IL16: variants seen among roughly 807,000 people sequenced by gnomAD.
The protein encoded by IL16 is pro-interleukin-16.
Under a neutral mutation model 110.1 loss-of-function variants are expected in IL16, and 67 were observed. The observed-to-expected ratio is 0.61, with a 90% CI of 0.50 to 0.75. IL16 has a LOEUF of 0.75. IL16 is among the 30% of genes least tolerant of loss of function. The pLI, the probability that IL16 is intolerant of heterozygous loss-of-function variation, is 0.00. For synonymous variants in IL16, 689 were observed against 662.9 expected (o/e 1.04, Z -0.61); for missense variants, 1,545 against 1,655.0 (o/e 0.93, Z 1.15).
In IL16 at chr15:81,296,972, A is replaced by G. The variant is rs2141596259; in HGVS notation, c.1947A>G (p.Thr649=). ...LLPLLLPQED[T]AGRSPSASAG... ...CACTGCTGCTACCACAGGAAGACAC[A>G]GCAGGGAGAAGCCCTAGTGCCTCTG... The change falls in exon 13 of 19, where the codon ACA becomes ACG. Residue 649 remains threonine, a synonymous_variant. Transcript: ENST00000683961. 6.2e-7 allele frequency: 1 copy of G among 1,613,794 alleles called. No homozygotes were observed.
chr15:81,185,159 A>G (rs1445046350), intron 1 of IL16, among the ~76,000 whole-genome samples: 3 of 152,064 alleles, frequency 2.0e-5, no homozygotes, highest in East Asian at 1.9e-4. Flanking sequence ...CGTCTCTCCA[A>G]TAAAAAAAGT....
intron 6 of IL16, among the ~76,000 whole-genome samples, chr15:81,273,771 C>T (rs1488425627): frequency 6.6e-6 from 1 of 152,046 alleles, no homozygotes; most frequent in Non-Finnish European, 1.5e-5. Flanking sequence ...GCCACAGGGA[C>T]CCTCTCTTCC....
chr15:81,202,257 A>G (rs1895844560), intron 1 of IL16, among the ~76,000 whole-genome samples: 1 of 152,230 alleles, frequency 6.6e-6, no homozygotes, highest in Non-Finnish European at 1.5e-5. Context: ...AGACATGACC[A>G]GTGGTGACAC....
chr15:81,290,675 G>C (rs941180956), intron 11 of IL16, 135 bp downstream of exon 11: 8 of 512,326 alleles, frequency 1.6e-5, no homozygotes, highest in African/African-American at 1.0e-4. Context: ...GTAGACAAAG[G>C]CTGAAAACTA....
At chr15:81,270,457 C>T (rs529222208) in intron 5 of IL16, among the ~76,000 whole-genome samples, 1 of 151,872 alleles carries the variant, frequency 6.6e-6, no homozygotes, top group South Asian at 2.1e-4. Flanking sequence ...CACCATACAC[C>T]TCAAGTCCTC....
chr15:81,227,417 A>C (rs1896825010), intron 2 of IL16, among the ~76,000 whole-genome samples: 1 of 152,158 alleles, frequency 6.6e-6, no homozygotes, highest in Admixed American at 6.5e-5. Context: ...GACCTGAATG[A>C]AGTGGAGGGG....
At position 81,285,732 on chromosome 15, in the gene IL16, C is replaced by T. The variant is rs200499151; in HGVS notation, c.1234C>T (p.Pro412Ser). Residue 412 changes from proline (P) to serine (S), a missense_variant, in exon 10 of 19, where the codon CCT becomes TCT. This residue lies in a region of IL16 where 1,185 missense variants were observed against 1,238.8 expected (regional missense o/e 0.96). Coordinates refer to ENST00000683961, the MANE Select transcript of IL16 (RefSeq NM_172217.5). ...CGAGATTGTGGAAATCAGTGATTCC[C>T]CTGTGCACTGCCTGACGCTCAATGA... ...GDEIVEISDS[P>S]VHCLTLNEVY... 1.2e-6 allele frequency: 2 copies of T among 1,614,074 alleles called. No homozygotes were observed. Among genetic ancestry groups the T allele is most frequent in the Non-Finnish European group, 1.7e-6 (2 of 1,179,984 alleles).
At chr15:81,230,050 C>T (rs997765819) in intron 2 of IL16, among the ~76,000 whole-genome samples, 1 of 152,020 alleles carries the variant, frequency 6.6e-6, no homozygotes, top group Non-Finnish European at 1.5e-5. Flanking sequence ...TGTGCCAAAG[C>T]GGGGCATGGG....
chr15:81,239,756 C>T (rs921231675), intron 2 of IL16, among the ~76,000 whole-genome samples: 6 of 150,764 alleles, frequency 4.0e-5, no homozygotes, highest in Admixed American at 2.0e-4. Flanking sequence ...GCCAGGCTGG[C>T]GAGAACAGGC....
rs779550798 is a variant in IL16, at chr15:81,278,787, TTCTTAGCTACACTTTCTCTC to T, written c.791-26_791-7del. 1.3e-6 allele frequency: 2 copies of T among 1,496,116 alleles called. No homozygotes were observed. The highest frequency in any genetic ancestry group is 3.3e-5 in the Admixed American group (2 of 59,880). 92.7% of individuals were successfully genotyped at this position (1,496,116 alleles called of 1,614,324 possible). ...AATGCCCTTTGATTGGGCAACACTCTTCTTAGCTACACTTTCTCTCTCTAAACAGGTGATGAAATTCTGGA... is the reference window on the plus strand; with the variant it reads ...AATGCCCTTTGATTGGGCAACACTCTTCTAAACAGGTGATGAAATTCTGGA... On this transcript the variant is annotated splice_polypyrimidine_tract_variant and intron_variant, in intron 6 of 18. Coordinates refer to ENST00000683961, the MANE Select transcript of IL16 (RefSeq NM_172217.5).
chr15:81,258,728 G>GCTCTCTCTCT (rs1333226224), intron 2 of IL16, among the ~76,000 whole-genome samples: 16 of 114,920 alleles, frequency 1.4e-4, no homozygotes, highest in Non-Finnish European at 2.4e-4. Flanking sequence ...ACTCGCGCAC[G>GCTCTCTCTCT]CGCTCTCTCT....
At chr15:81,193,845 T>C (rs1452896918), upstream of IL16, among the ~76,000 whole-genome samples, 7 of 152,128 alleles carry the variant, frequency 4.6e-5, no homozygotes, top group East Asian at 1.9e-4. Context: ...CTGTCTAAGT[T>C]GAAAGTGCTA....
intron 4 of IL16, 101 bp downstream of exon 4, chr15:81,265,902 T>G (rs752960931): frequency 1.7e-5 from 19 of 1,135,322 alleles, no homozygotes; most frequent in Non-Finnish European, 2.3e-5. Context: ...AGTAGTTTTT[T>G]TGTCCGCAGA....
chr15:81,216,546 A>C (rs1189370347), intron 1 of IL16, among the ~76,000 whole-genome samples: 1 of 152,000 alleles, frequency 6.6e-6, no homozygotes, highest in Non-Finnish European at 1.5e-5. Context: ...CAGTGGGAGC[A>C]ACACATCCTG....
intron 10 of IL16, among the ~76,000 whole-genome samples, chr15:81,289,210 G>A (rs1292560202): frequency 2.0e-5 from 3 of 152,034 alleles, no homozygotes; most frequent in Admixed American, 6.6e-5. Flanking sequence ...GCAGTGGCAC[G>A]ATCTTGGCTC....
intron 5 of IL16, among the ~76,000 whole-genome samples, chr15:81,270,383 T>A (rs1400207562): frequency 2.0e-5 from 3 of 152,206 alleles, no homozygotes; most frequent in Admixed American, 6.5e-5. Flanking sequence ...TGTAATATAA[T>A]TTTTTGTGTG....
intron 2 of IL16, among the ~76,000 whole-genome samples, chr15:81,254,222 G>A (rs1897868187): frequency 1.3e-5 from 2 of 152,206 alleles, no homozygotes; most frequent in African/African-American, 4.8e-5. Flanking sequence ...TGTCAGTAAT[G>A]CCAGTGATGT....
In IL16 at chr15:81,300,413, C is replaced by T. The variant is rs151177759; in HGVS notation, c.3087C>T (p.Asn1029=). 4.1e-5 allele frequency: 66 copies of T among 1,614,176 alleles called. No individual in the cohort carries two copies. Among genetic ancestry groups the T allele is most frequent in the African/African-American group, 2.4e-4 (18 of 75,056 alleles). ...KEGASPTSSS[N]EDSAANGSAE... ...GGGCATCTCCAACATCATCATCCAACGAAGACTCAGCTGCAAATGGTTCTG... is the reference window on the plus strand; with the variant it reads ...GGGCATCTCCAACATCATCATCCAATGAAGACTCAGCTGCAAATGGTTCTG... The change falls in exon 14 of 19, where the codon AAC becomes AAT. Residue 1029 remains asparagine, a synonymous_variant. Transcript: ENST00000683961.
At chr15:81,287,036 C>T (rs1899483584) in intron 10 of IL16, among the ~76,000 whole-genome samples, 1 of 152,146 alleles carries the variant, frequency 6.6e-6, no homozygotes, top group South Asian at 2.1e-4. Context: ...AATTATCTCC[C>T]ACCAGGTCCC....
Sources: allele counts gnomAD v4.1 joint callset (sites outside exome capture counted in the v4.1 genomes callset), GRCh38; gene constraint gnomAD v4.1.1; regional missense constraint gnomAD v4.1.1; transcripts MANE v1.5; gene names NCBI Gene and HGNC (gene_info 2026-07-23, HGNC 2026-07-21).